The following CCDC27 variants were observed in gnomAD, a reference collection of about 807,000 sequenced individuals.
The protein encoded by CCDC27 is coiled-coil domain-containing protein 27.
CCDC27 carries 80 observed loss-of-function variants against 80.3 expected under a neutral mutation model. The observed-to-expected ratio is 1.00, with a 90% CI of 0.83 to 1.20. The LOEUF (loss-of-function observed/expected upper bound fraction) is 1.20, where lower values mean the gene tolerates loss of function less well. CCDC27 is among the 50% of genes most tolerant of loss of function. The pLI, the probability that CCDC27 is intolerant of heterozygous loss-of-function variation, is 0.00. For synonymous variants in CCDC27, 342 were observed against 334.3 expected (o/e 1.02, Z -0.25); for missense variants, 815 against 809.4 (o/e 1.01, Z -0.08).
Position 3,763,335 on chromosome 1 carries a change from G to T in CCDC27, c.1182G>T (p.Glu394Asp). The T allele has an allele frequency of 6.2e-7, 1 of 1,612,950 alleles. No homozygotes were observed. The highest frequency in any genetic ancestry group is 1.1e-5 in the South Asian group (1 of 90,970). The change falls in exon 7 of 12, where the codon GAG becomes GAT. Residue 394 changes from glutamate (E) to aspartate (D), a missense_variant. Physicochemically the swap from Glu to Asp is conservative, Grantham distance 45 (BLOSUM62 2). Transcript: ENST00000294600. The surrounding 1 kb of genome is among the most constrained non-coding windows in gnomAD (Gnocchi z 7.5). ...AAAGGGAGCTGCCGGAGGAAGAGGA[G>T]ATCCCCAGGAGAAGGGCCTCCTCCC... is the stretch of plus-strand genomic sequence containing the variant. ...SEERELPEEE[E>D]IPRRRASSLA...
rs1030727468 is a variant in CCDC27, at chr1:3,755,306, TTGG to T, written c.443-149_443-147del. 6 of 665,504 alleles carry T rather than the reference TTGG, an allele frequency of 9.0e-6. No homozygotes were observed. The Admixed American group carries it at 1.3e-4, about 14-fold the overall frequency. The allele number at this position is 665,504 out of a possible 1,614,324, so 41.2% of individuals were successfully genotyped here. On this transcript the variant is annotated intron_variant, in intron 2 of 11. Coordinates refer to ENST00000294600, the MANE Select transcript of CCDC27 (RefSeq NM_152492.3). Reference sequence around the variant, plus strand: ...CAGGCAGGAGGATGAAGCCCACCCTTTGGTTCAGCCCTTGCTCAGTCCCATGCA... The same window carrying T: ...CAGGCAGGAGGATGAAGCCCACCCTTTTCAGCCCTTGCTCAGTCCCATGCA...
chr1:3,761,551 T>G lies in CCDC27; in HGVS notation c.861+121T>G. The G allele has an allele frequency of 3.4e-6, 4 of 1,175,456 alleles. No homozygotes were observed. The highest frequency in any genetic ancestry group is 4.7e-6 in the Non-Finnish European group (4 of 845,562). The allele number at this position is 1,175,456 out of a possible 1,614,324, so 72.8% of individuals were successfully genotyped here. ...CCCAGGCCCCCTGGATCCTATCAGG[T>G]CCTCACTGGAACGTGGACCGGTTCT... On this transcript the variant is annotated intron_variant, in intron 5 of 11. Coordinates refer to ENST00000294600, the MANE Select transcript of CCDC27 (RefSeq NM_152492.3). This position sits in a 1 kb window ranked among gnomAD's most constrained non-coding sequence, Gnocchi z 5.0.
rs1023154696 is a variant in CCDC27 at position 3,769,267 on chromosome 1, T to C, written c.1744-516T>C. Among the ~76,000 whole-genome samples, 3 of 152,130 alleles carry C rather than the reference T, an allele frequency of 2.0e-5. No individual in the cohort carries two copies. Among genetic ancestry groups the C allele is most frequent in the Non-Finnish European group, 4.4e-5 (3 of 68,010 alleles). On this transcript the variant is annotated intron_variant, in intron 10 of 11. Coordinates refer to ENST00000294600, the MANE Select transcript of CCDC27 (RefSeq NM_152492.3). The surrounding 1 kb of genome is among the most constrained non-coding windows in gnomAD (Gnocchi z 4.6). ...AGAAGACGAGAACGCCTTCTGGGTC[T>C]GTGCGCGGGGGCCAGGTTCAACGCT...
At position 3,761,239 on chromosome 1, in the gene CCDC27, G is replaced by A; in HGVS notation, c.712-42G>A. The A allele has an allele frequency of 6.2e-7, 1 of 1,602,478 alleles. No individual in the cohort carries two copies. The highest frequency in any genetic ancestry group is 8.5e-7 in the Non-Finnish European group (1 of 1,173,672). ...GAGGCAGGTCAGGGGAAGAGTGTGT[G>A]GCTGCATGGCCCACGGGGGCTGCCC... On this transcript the variant is annotated intron_variant, in intron 4 of 11. Coordinates refer to ENST00000294600, the MANE Select transcript of CCDC27 (RefSeq NM_152492.3). The surrounding 1 kb of genome is among the most constrained non-coding windows in gnomAD (Gnocchi z 5.0).
In CCDC27 at chr1:3,763,932, C is replaced by T. The variant is rs1169678622; in HGVS notation, c.1452+96C>T. ...TCGGGGCAGGCGCTGCCCGTCCCAT[C>T]TACTGATGGAGACTTTGAGCCTGGG... On this transcript the variant is annotated intron_variant, in intron 8 of 11. Coordinates refer to ENST00000294600, the MANE Select transcript of CCDC27 (RefSeq NM_152492.3). The surrounding 1 kb of genome is among the most constrained non-coding windows in gnomAD (Gnocchi z 7.5). The T allele has an allele frequency of 3.3e-6, 5 of 1,504,534 alleles. No individual in the cohort carries two copies. Among genetic ancestry groups the T allele is most frequent in the Non-Finnish European group, 4.5e-6 (5 of 1,121,502 alleles). 93.2% of individuals were successfully genotyped at this position (1,504,534 alleles called of 1,614,324 possible). A position where few individuals can be genotyped will look rare whatever the true frequency, so the allele number is the denominator to read the frequency against.
At chr1:3,755,098 G>C (rs1642919203) in intron 2 of CCDC27, among the ~76,000 whole-genome samples, 1 of 152,228 alleles carries the variant, frequency 6.6e-6, no homozygotes. Flanking sequence ...GGCAATTTGT[G>C]ATGGTTTAGG....
chr1:3,763,352 C>A lies in CCDC27; in HGVS notation c.1199C>A (p.Ala400Asp), dbSNP rs954082809. ...GAAGAGGAGATCCCCAGGAGAAGGG[C>A]CTCCTCCCTGGCCGAGTCGTTTGAG... ...PEEEEIPRRR[A>D]SSLAESFEEE... Residue 400 changes from alanine (A) to aspartate (D), a missense_variant, in exon 7 of 12, where the codon GCC becomes GAC. Ala to Asp is a moderately radical substitution (Grantham distance 126). Transcript: ENST00000294600. The surrounding 1 kb of genome is among the most constrained non-coding windows in gnomAD (Gnocchi z 7.5). 1 of 1,612,884 alleles carries A rather than the reference C, an allele frequency of 6.2e-7. No individual in the cohort carries two copies. The highest frequency in any genetic ancestry group is 8.5e-7 in the Non-Finnish European group (1 of 1,179,940).
chr1:3,767,954 T>C (rs562554996), intron 10 of CCDC27, among the ~76,000 whole-genome samples: 2 of 152,302 alleles, frequency 1.3e-5, no homozygotes, highest in African/African-American at 4.8e-5. Flanking sequence ...GCAGACCTGC[T>C]TTGCGGTGGT....
intron 8 of CCDC27, among the ~76,000 whole-genome samples, chr1:3,765,440 A>G (rs192069940): frequency 6.6e-6 from 1 of 152,142 alleles, no homozygotes; most frequent in East Asian, 1.9e-4. Flanking sequence ...CTCTCACACT[A>G]TTGGACCTCC....
At position 3,766,278 on chromosome 1, in the gene CCDC27, T is replaced by C. The variant is rs144561035; in HGVS notation, c.1453-257T>C. 1.3e-5 allele frequency among the ~76,000 whole-genome samples: 2 copies of C among 152,268 alleles called. No individual in the cohort carries two copies. The highest frequency in any genetic ancestry group is 6.5e-5 in the Admixed American group (1 of 15,288). ...AGACTTTTAGGAACTCAAGTGTGAA[T>C]TGGGCTTATTTTCTGCTTTTCCTAC... On this transcript the variant is annotated intron_variant, in intron 8 of 11. Transcript: ENST00000294600. This position sits in a 1 kb window ranked among gnomAD's most constrained non-coding sequence, Gnocchi z 6.1.
Position 3,769,881 on chromosome 1 carries a change from C to G in CCDC27, c.1842C>G (p.Ala614=). The G allele has an allele frequency of 1.2e-6, 2 of 1,613,008 alleles. No homozygotes were observed. The highest frequency in any genetic ancestry group is 1.7e-6 in the Non-Finnish European group (2 of 1,179,076). Residue 614 remains alanine (A), a synonymous_variant, in exon 11 of 12, where the codon GCC becomes GCG. Transcript: ENST00000294600. The surrounding 1 kb of genome is among the most constrained non-coding windows in gnomAD (Gnocchi z 4.6). ...TCTCTGACAATGACATCCTGGAAGC[C>G]CTGCAGGTATACCCCTAAGCTCAGC... is the stretch of plus-strand genomic sequence containing the variant. ...NEISDNDILE[A]LQRIISERSD... is the part of the protein sequence containing the mutation.
At chr1:3,757,437 A>AG (rs1199100141) in intron 4 of CCDC27, among the ~76,000 whole-genome samples, 1 of 151,312 alleles carries the variant, frequency 6.6e-6, no homozygotes, top group Admixed American at 6.6e-5. Context: ...TATTATTATT[A>AG]TTAGTAGTAG....
At chr1:3,754,291 G>C (rs767268742) in intron 2 of CCDC27, 50 bp downstream of exon 2, 7 of 1,522,074 alleles carry the variant, frequency 4.6e-6, no homozygotes, top group Middle Eastern at 1.8e-4. Flanking sequence ...TCAGAGTCGA[G>C]GGGCCGGGGG....
rs564864638 is a variant in CCDC27 at position 3,758,182 on chromosome 1, T to C, written c.711+1292T>C. Reference sequence around the variant, plus strand: ...ATTCCTCACAGGAGCACTCTTATTTTATTAATTAATTTATTTATTTATTTT... The same window carrying C: ...ATTCCTCACAGGAGCACTCTTATTTCATTAATTAATTTATTTATTTATTTT... On this transcript the variant is annotated intron_variant, in intron 4 of 11. Coordinates refer to ENST00000294600, the MANE Select transcript of CCDC27 (RefSeq NM_152492.3). 1.4e-4 allele frequency among the ~76,000 whole-genome samples: 21 copies of C among 152,238 alleles called. No homozygotes were observed. In the East Asian group the frequency reaches 1.7e-3, roughly 13 times the overall value.
chr1:3,769,979 ACTCTGTTCT>A lies in CCDC27; in HGVS notation c.1848+94_1848+102del. The A allele has an allele frequency of 1.1e-6, 1 of 893,054 alleles. No individual in the cohort carries two copies. Among genetic ancestry groups the A allele is most frequent in the Admixed American group, 1.8e-5 (1 of 56,320 alleles). The allele number at this position is 893,054 out of a possible 1,614,324, so 55.3% of individuals were successfully genotyped here. On this transcript the variant is annotated intron_variant, in intron 11 of 11. Coordinates refer to ENST00000294600, the MANE Select transcript of CCDC27 (RefSeq NM_152492.3). This position sits in a 1 kb window ranked among gnomAD's most constrained non-coding sequence, Gnocchi z 4.6. ...GTTGTGGGGGGCCTAGATTCCAGGG[ACTCTGTTCT>A]CATCCTACCTGTGTCACCTATTCAC... is the stretch of plus-strand genomic sequence containing the variant.
intron 3 of CCDC27, 130 bp downstream of exon 3, chr1:3,755,697 C>T: frequency 1.3e-6 from 1 of 753,312 alleles, no homozygotes; most frequent in Non-Finnish European, 2.3e-6. Context: ...AGGACTCACA[C>T]AGAAAGGCCT....
chr1:3,758,621 G>T (rs1260347218), intron 4 of CCDC27, among the ~76,000 whole-genome samples: 1 of 152,114 alleles, frequency 6.6e-6, no homozygotes, highest in Non-Finnish European at 1.5e-5. Flanking sequence ...ATGAGACAAG[G>T]TCTCATTTTG....
chr1:3,761,252 A>C lies in CCDC27; in HGVS notation c.712-29A>C, dbSNP rs1267467788. ...GGAAGAGTGTGTGGCTGCATGGCCC[A>C]CGGGGGCTGCCCTTGGTTTTCTGCC... is the stretch of plus-strand genomic sequence containing the variant. On this transcript the variant is annotated intron_variant, in intron 4 of 11. Transcript: ENST00000294600. The surrounding 1 kb of genome is among the most constrained non-coding windows in gnomAD (Gnocchi z 5.0). 6.2e-7 allele frequency: 1 copy of C among 1,609,490 alleles called. No individual in the cohort carries two copies. Among genetic ancestry groups the C allele is most frequent in the African/African-American group, 1.3e-5 (1 of 74,814 alleles).
Position 3,761,026 on chromosome 1 carries a change from T to C in CCDC27, c.712-255T>C, listed in dbSNP as rs1643071754. On this transcript the variant is annotated intron_variant, in intron 4 of 11. Coordinates refer to ENST00000294600, the MANE Select transcript of CCDC27 (RefSeq NM_152492.3). The surrounding 1 kb of genome is among the most constrained non-coding windows in gnomAD (Gnocchi z 5.0). ...CCTTGCAACTCCTCGGACGAGGATT[T>C]AGGATCTGTTCTTAGGATGGGTGCA... is the stretch of plus-strand genomic sequence containing the variant. Among the ~76,000 whole-genome samples, 1 of 152,162 alleles carries C rather than the reference T, an allele frequency of 6.6e-6. No individual in the cohort carries two copies. Among genetic ancestry groups the C allele is most frequent in the South Asian group, 2.1e-4 (1 of 4,832 alleles).
Sources: allele counts gnomAD v4.1 joint callset (sites outside exome capture counted in the v4.1 genomes callset), GRCh38; gene constraint gnomAD v4.1.1; non-coding constraint Gnocchi (gnomAD v3.1); transcripts MANE v1.5; gene names NCBI Gene and HGNC (gene_info 2026-07-23, HGNC 2026-07-21).